The following SPRY3 variants were observed in gnomAD, a reference collection of about 807,000 sequenced individuals.
SPRY3 encodes sprouty RTK signaling antagonist 3, also known as protein sprouty homolog 3.
A neutral mutation model predicts 20.2 loss-of-function variants in SPRY3; 15 were observed. That is an observed-to-expected ratio of 0.74 (90% CI 0.50 to 1.14). The LOEUF is 1.14. Among genes scored for constraint, SPRY3 ranks in the 50% most tolerant of loss-of-function variants. The pLI is 0.00. For missense variants in SPRY3, 364 were observed against 363.9 expected (o/e 1.00, Z 0.00); for synonymous variants, 143 against 136.5 (o/e 1.05, Z -0.33).
chrX:155,618,996 T>C (rs911498625), intron 1 of SPRY3, among the ~76,000 whole-genome samples: 2 of 111,465 alleles, frequency 1.8e-5, no homozygotes, highest in African/African-American at 6.5e-5. Flanking sequence ...CTGTTGCTTG[T>C]CTTTTCATCC....
At chrX:155,711,109 A>G (rs564296) in intron 2 of SPRY3, among the ~76,000 whole-genome samples, 88,876 of 151,404 alleles carry the variant, frequency 0.59, 26,844 homozygotes, top group African/African-American at 0.87. Context: ...CAGGGATGTT[A>G]GCCTATAGTT....
At chrX:155,720,600 CAGAG>C (rs761644090) in intron 2 of SPRY3, among the ~76,000 whole-genome samples, 1 of 152,010 alleles carries the variant, frequency 6.6e-6, no homozygotes, top group African/African-American at 2.4e-5. Context: ...GCTCAGAACA[CAGAG>C]AGAGAGAGAC....
chrX:155,613,420 C>T (rs782798730), intron 1 of SPRY3, among the ~76,000 whole-genome samples: 2 of 111,035 alleles, frequency 1.8e-5, no homozygotes, highest in South Asian at 7.6e-4. Flanking sequence ...AAGAACGATA[C>T]ATATTACAAA....
downstream of SPRY3, chrX:155,781,370 T>G (rs2091462257): frequency 6.0e-6 from 1 of 166,984 alleles, no homozygotes; most frequent in Non-Finnish European, 1.5e-5. Context: ...TAAGTCAGAA[T>G]CTTTGGAGGT....
chrX:155,678,002 G>A (rs933929388), intron 2 of SPRY3, among the ~76,000 whole-genome samples: 21 of 111,738 alleles, frequency 1.9e-4, no homozygotes, highest in African/African-American at 6.2e-4. Context: ...CACACCAGAT[G>A]TGGTCTTATG....
chrX:155,672,392 A>C lies in SPRY3; in HGVS notation c.-282+15367A>C, dbSNP rs1453336523. The stretch of plus-strand genomic sequence containing the variant: ...AGAAAAAAACAAACAACCCCATCAA[A>C]AAGTGGGCAAAGGATATGAACAGAC... On this transcript the variant is annotated intron_variant, in intron 2 of 3. Coordinates refer to ENST00000675360, the Ensembl canonical transcript of SPRY3. Among the ~76,000 whole-genome samples the C allele has an allele frequency of 3.8e-3, 417 of 110,943 alleles. 2 individuals carry two copies. Among genetic ancestry groups the C allele is most frequent in the African/African-American group, 0.013 (404 of 30,541 alleles).
intron 2 of SPRY3, among the ~76,000 whole-genome samples, chrX:155,742,906 T>G (rs1208891394): frequency 6.6e-6 from 1 of 151,812 alleles, no homozygotes; most frequent in Non-Finnish European, 1.5e-5. Context: ...ATCAACAACC[T>G]AACATCACAA....
At chrX:155,726,103 T>G (rs1450778859) in intron 2 of SPRY3, among the ~76,000 whole-genome samples, 1 of 152,198 alleles carries the variant, frequency 6.6e-6, no homozygotes, top group East Asian at 1.9e-4. Context: ...GAGCTGGTTG[T>G]TCAGTTTCCA....
chrX:155,718,556 A>T (rs751339178), intron 2 of SPRY3, among the ~76,000 whole-genome samples: 1 of 152,282 alleles, frequency 6.6e-6, no homozygotes, highest in East Asian at 1.9e-4. Flanking sequence ...AATGAGACAA[A>T]AGGGTGTTTG....
At chrX:155,766,572 A>T (rs1422019907) in intron 2 of SPRY3, among the ~76,000 whole-genome samples, 1 of 152,200 alleles carries the variant, frequency 6.6e-6, no homozygotes, top group Admixed American at 6.5e-5. Context: ...CCATTGAAAT[A>T]GGACTTGAAA....
chrX:155,672,922 G>A (rs1486674201), intron 2 of SPRY3, among the ~76,000 whole-genome samples: 2 of 105,670 alleles, frequency 1.9e-5, no homozygotes, highest in Non-Finnish European at 3.9e-5. Flanking sequence ...GTAGGGACAT[G>A]GATGAAATTG....
At chrX:155,761,588 G>A (rs1298896235) in intron 2 of SPRY3, among the ~76,000 whole-genome samples, 11 of 152,150 alleles carry the variant, frequency 7.2e-5, no homozygotes, top group Non-Finnish European at 1.0e-4. Context: ...TTGCTGGGTC[G>A]AATGGTAGTT....
intron 2 of SPRY3, among the ~76,000 whole-genome samples, chrX:155,697,774 A>G (rs1298019062): frequency 1.8e-5 from 2 of 109,903 alleles, no homozygotes; most frequent in African/African-American, 3.3e-5. Flanking sequence ...CTCTTTGGGC[A>G]GGAAGAGTAG....
chrX:155,755,113 G>GA (rs1205477774), intron 2 of SPRY3, among the ~76,000 whole-genome samples: 1 of 140,714 alleles, frequency 7.1e-6, no homozygotes, highest in Admixed American at 6.9e-5. Flanking sequence ...AACAGCAGTG[G>GA]AAAAAATAAG....
intron 2 of SPRY3, among the ~76,000 whole-genome samples, chrX:155,731,015 AC>A (rs1187035318): frequency 6.6e-6 from 1 of 152,082 alleles, no homozygotes; most frequent in Non-Finnish European, 1.5e-5. Flanking sequence ...CAGAGGACAT[AC>A]AAAAAAAAGA....
chrX:155,696,960 AC>A (rs2068120850), intron 2 of SPRY3, among the ~76,000 whole-genome samples: 1 of 111,649 alleles, frequency 9.0e-6, no homozygotes, highest in Non-Finnish European at 1.9e-5. Context: ...AGTAATGGGT[AC>A]TTACAATGTA....
At chrX:155,776,048 TATTCTTA>T (rs1440571806) in exon 4 of SPRY3, 1 of 167,076 alleles carries the variant, frequency 6.0e-6, no homozygotes, top group Non-Finnish European at 1.5e-5. Flanking sequence ...CCTAGTTCAG[TATTCTTA>T]CCCCTGTACC....
At chrX:155,636,976 A>T (rs918612999) in intron 1 of SPRY3, among the ~76,000 whole-genome samples, 1 of 95,941 alleles carries the variant, frequency 1.0e-5, no homozygotes, top group Admixed American at 1.2e-4. Context: ...TAGGTGGGAA[A>T]TGAACAATGA....
At chrX:155,776,713 G>A (rs2091428722) in exon 4 of SPRY3, 1 of 167,028 alleles carries the variant, frequency 6.0e-6, no homozygotes, top group African/African-American at 2.4e-5. Flanking sequence ...TGTGTTGCAG[G>A]GTGGAGAAGT....
Sources: gnomAD v4.1 joint callset for allele counts (sites outside exome capture counted in the v4.1 genomes callset) on GRCh38, gnomAD v4.1.1 for gene constraint, MANE v1.5 for transcripts, NCBI Gene and HGNC (gene_info 2026-07-23, HGNC 2026-07-21) for gene names.